Variants in SERPIND1 observed in about 807,000 individuals in gnomAD.
The protein encoded by SERPIND1 is heparin cofactor 2.
SERPIND1 carries 34 observed loss-of-function variants against 35.0 expected under a neutral mutation model. The observed-to-expected ratio is 0.97, with a 90% CI of 0.74 to 1.29. The LOEUF is 1.29. Ranked by LOEUF, SERPIND1 falls within the 50% of genes most tolerant of loss-of-function variation. The probability of loss-of-function intolerance (pLI) is 0.00; values close to 1 mark genes in which losing one functional copy is unlikely to be tolerated. For missense variants in SERPIND1, 633 were observed against 637.7 expected (o/e 0.99, Z 0.08); for synonymous variants, 236 against 241.1 (o/e 0.98, Z 0.19).
chr22:20,784,826 T>G lies in SERPIND1; in HGVS notation c.1163+581T>G, dbSNP rs1388855494. Among the ~76,000 whole-genome samples the G allele has an allele frequency of 1.3e-5, 2 of 152,168 alleles. 1 individual carries two copies. Among genetic ancestry groups the G allele is most frequent in the Non-Finnish European group, 2.9e-5 (2 of 68,028 alleles). Reference sequence around the variant, plus strand: ...GGCAGAAAGAATGGAGAGGTCTTATTTCTGTCTTACTGGATACTGGCTAGG... The same window carrying G: ...GGCAGAAAGAATGGAGAGGTCTTATGTCTGTCTTACTGGATACTGGCTAGG... On this transcript the variant is annotated intron_variant, in intron 3 of 4. Transcript: ENST00000215727.
chr22:20,782,058 T>C (rs1053309306), intron 2 of SERPIND1, among the ~76,000 whole-genome samples: 3 of 152,252 alleles, frequency 2.0e-5, no homozygotes, highest in Admixed American at 2.0e-4. Context: ...ATTTTACTTC[T>C]ACTAGCAAAT....
chr22:20,785,759 A>C (rs1048497889), intron 3 of SERPIND1, among the ~76,000 whole-genome samples: 1 of 152,240 alleles, frequency 6.6e-6, no homozygotes, highest in Admixed American at 6.5e-5. Context: ...TGAAGATAGG[A>C]AACGAACCAT....
intron 1 of SERPIND1, among the ~76,000 whole-genome samples, chr22:20,778,025 A>G (rs542929948): frequency 2.4e-4 from 36 of 152,326 alleles, no homozygotes; most frequent in African/African-American, 8.4e-4. Flanking sequence ...ACCCTGTGTT[A>G]GAAGCAGTAA....
chr22:20,783,088 T>G (rs1188280041), intron 2 of SERPIND1, among the ~76,000 whole-genome samples: 1 of 152,158 alleles, frequency 6.6e-6, no homozygotes, highest in Non-Finnish European at 1.5e-5. Flanking sequence ...ACAGGAAAGG[T>G]GCTGAGAAGA....
intron 3 of SERPIND1, 149 bp downstream of exon 3, chr22:20,784,394 C>A: frequency 1.8e-6 from 2 of 1,097,514 alleles, no homozygotes; most frequent in Middle Eastern, 2.9e-4. Context: ...AATTCAGCCC[C>A]AATTTGTTGC....
chr22:20,783,491 T>C (rs1262712150), intron 2 of SERPIND1, among the ~76,000 whole-genome samples: 4 of 150,396 alleles, frequency 2.7e-5, no homozygotes, highest in Admixed American at 6.6e-5. Context: ...CATGTGCTTG[T>C]AGTCCAAGCT....
intron 1 of SERPIND1, among the ~76,000 whole-genome samples, chr22:20,778,298 T>G (rs1014498228): frequency 6.6e-6 from 1 of 151,970 alleles, no homozygotes; most frequent in Non-Finnish European, 1.5e-5. Context: ...GTCAGGAGTT[T>G]GAGACCAGCC....
Position 20,779,779 on chromosome 22 carries a change from TTG to T in SERPIND1, c.468_469del (p.Gly157HisfsTer18), listed in dbSNP as rs1329970897. The T allele has an allele frequency of 6.2e-7, 1 of 1,614,220 alleles. No individual in the cohort carries two copies. Among genetic ancestry groups the T allele is most frequent in the Non-Finnish European group, 8.5e-7 (1 of 1,180,048 alleles). Reference sequence around the variant, plus strand: ...TTCGATAACATCTTCATAGCACCCGTTGGCATTTCTACTGCGATGGGTATGAT... The same window carrying T: ...TTCGATAACATCTTCATAGCACCCGTGCATTTCTACTGCGATGGGTATGAT... On this transcript the variant is annotated frameshift_variant, in exon 2 of 5. Coordinates refer to ENST00000215727, the MANE Select transcript of SERPIND1 (RefSeq NM_000185.4). LOFTEE classifies it high-confidence loss of function.
chr22:20,784,802 GC>G (rs1339692572), intron 3 of SERPIND1, among the ~76,000 whole-genome samples: 1 of 152,166 alleles, frequency 6.6e-6, no homozygotes, highest in Non-Finnish European at 1.5e-5. Context: ...TTGGGTCATG[GC>G]AGAAAGAATG....
intron 3 of SERPIND1, among the ~76,000 whole-genome samples, chr22:20,785,067 C>CTTTTTTTTTTTTTTTTTTTTTTTTTTTT (rs1555894632): frequency 7.4e-6 from 1 of 134,452 alleles, no homozygotes; most frequent in Admixed American, 7.6e-5. Context: ...GGGACTGCAT[C>CTTTTTTTTTTTTTTTTTTTTTTTTTTTT]TTTTTTTTTT....
At chr22:20,783,150 T>A (rs1010470073) in intron 2 of SERPIND1, among the ~76,000 whole-genome samples, 1 of 152,188 alleles carries the variant, frequency 6.6e-6, no homozygotes, top group Non-Finnish European at 1.5e-5. Context: ...TACTATTAGT[T>A]ACTCACATCT....
At chr22:20,785,802 A>G (rs192931364) in intron 3 of SERPIND1, among the ~76,000 whole-genome samples, 1 of 152,314 alleles carries the variant, frequency 6.6e-6, no homozygotes, top group Non-Finnish European at 1.5e-5. Flanking sequence ...GCAACAGAAA[A>G]CACACCTCAG....
rs373125956 is a variant in SERPIND1, at chr22:20,786,904, C to A, written c.1338C>A (p.Asn446Lys). The A allele has an allele frequency of 8.1e-6, 13 of 1,614,124 alleles. No homozygotes were observed. The African/African-American group carries it at 1.6e-4, about 20-fold the overall frequency. Reference sequence around the variant, plus strand: ...AGCACCAAGGCACGATCACAGTGAACGAGGAAGGCACCCAAGCCACCACTG... The same window carrying A: ...AGCACCAAGGCACGATCACAGTGAAAGAGGAAGGCACCCAAGCCACCACTG... ...LFKHQGTITV[N>K]EEGTQATTVT... Residue 446 changes from asparagine to lysine, a missense_variant, in exon 5 of 5, where the codon AAC (asparagine) becomes AAA (lysine). Coordinates refer to ENST00000215727, the MANE Select transcript of SERPIND1 (RefSeq NM_000185.4).
intron 1 of SERPIND1, among the ~76,000 whole-genome samples, chr22:20,778,791 C>A (rs1049004938): frequency 1.3e-5 from 2 of 152,156 alleles, no homozygotes; most frequent in Non-Finnish European, 2.9e-5. Flanking sequence ...ACTCTCTGGG[C>A]ACTTCCACTC....
intron 1 of SERPIND1, 155 bp from the exon 2 acceptor site, chr22:20,779,142 G>A: frequency 6.6e-7 from 1 of 1,518,814 alleles, no homozygotes. Flanking sequence ...ATCTACATCA[G>A]ATTCTCTTAA....
At chr22:20,775,841 C>T (rs178031) in intron 1 of SERPIND1, among the ~76,000 whole-genome samples, 69,441 of 151,850 alleles carry the variant, frequency 0.46, 16,482 homozygotes, top group African/African-American at 0.57. Flanking sequence ...GAGGAGGACA[C>T]TTGAAGTGTA....
intron 2 of SERPIND1, 82 bp from the exon 3 acceptor site, chr22:20,783,888 AGG>A (rs1933993198): frequency 6.3e-7 from 1 of 1,590,020 alleles, no homozygotes; most frequent in African/African-American, 1.3e-5. Flanking sequence ...TGAGGCCTCC[AGG>A]GAAATCAGAT....
intron 4 of SERPIND1, among the ~76,000 whole-genome samples, 183 bp downstream of exon 4, chr22:20,786,331 G>A (rs1361757111): frequency 1.3e-5 from 2 of 152,132 alleles, no homozygotes; most frequent in African/African-American, 2.4e-5. Context: ...TGGAGAGCAC[G>A]GCACCTGGCA....
intron 1 of SERPIND1, among the ~76,000 whole-genome samples, chr22:20,778,422 T>G (rs1933475018): frequency 6.6e-6 from 1 of 152,082 alleles, no homozygotes; most frequent in Non-Finnish European, 1.5e-5. Context: ...GAGAATTGCT[T>G]GAGTCCAGGA....
Sources: allele counts gnomAD v4.1 joint callset (sites outside exome capture counted in the v4.1 genomes callset), GRCh38; gene constraint gnomAD v4.1.1; transcripts MANE v1.5; gene names NCBI Gene and HGNC (gene_info 2026-07-23, HGNC 2026-07-21).